The following SNX9 variants were observed in gnomAD, a reference collection of about 807,000 sequenced individuals.
SNX9 encodes sorting nexin 9, also known as sorting nexin-9.
In SNX9, 44 loss-of-function variants were observed where a neutral mutation model predicts 89.4. The observed-to-expected ratio is 0.49, with a 90% CI of 0.39 to 0.63. The LOEUF is 0.63. SNX9 is among the 30% of genes least tolerant of loss of function. The probability of loss-of-function intolerance (pLI) is 0.00; values close to 1 mark genes in which losing one functional copy is unlikely to be tolerated. For missense variants in SNX9, 578 were observed against 736.1 expected, an observed-to-expected ratio of 0.79 and a Z score of 2.49; for synonymous variants, 236 against 247.8, an observed-to-expected ratio of 0.95 and a Z score of 0.45.
At chr6:157,844,003 TA>T (rs1275142349) in intron 1 of SNX9, among the ~76,000 whole-genome samples, 4 of 150,928 alleles carry the variant, frequency 2.7e-5, no homozygotes, top group Non-Finnish European at 5.9e-5. Context: ...GCCTCCTGCA[TA>T]GCTGGGATTA....
intron 10 of SNX9, among the ~76,000 whole-genome samples, chr6:157,924,113 G>T (rs1326756941): frequency 6.6e-6 from 1 of 152,026 alleles, no homozygotes; most frequent in Non-Finnish European, 1.5e-5. Flanking sequence ...CAGGAGAATC[G>T]TTGGAACCCG....
Position 157,823,864 on chromosome 6 carries a change from C to T in SNX9, c.12+418C>T, listed in dbSNP as rs552504420. On this transcript the variant is annotated intron_variant, in intron 1 of 17. Transcript: ENST00000392185. The surrounding 1 kb of genome is among the most constrained non-coding windows in gnomAD (Gnocchi z 4.6). ...GCCCCCACGTCCCCTCCCGCTGCCG[C>T]CTGGGGGACCCTCGCCCCCGCGGGG... Among the ~76,000 whole-genome samples the T allele has an allele frequency of 1.5e-3, 235 of 152,068 alleles. 1 individual carries two copies. Among genetic ancestry groups the T allele is most frequent in the Non-Finnish European group, 2.7e-3 (186 of 67,958 alleles).
intron 13 of SNX9, among the ~76,000 whole-genome samples, chr6:157,934,457 A>C (rs1783881449): frequency 6.6e-6 from 1 of 152,230 alleles, no homozygotes; most frequent in African/African-American, 2.4e-5. Context: ...AAAATAAAAC[A>C]AATGATACAT....
At chr6:157,911,704 C>T (rs1416328712) in intron 9 of SNX9, among the ~76,000 whole-genome samples, 1 of 152,182 alleles carries the variant, frequency 6.6e-6, no homozygotes, top group Non-Finnish European at 1.5e-5. Context: ...ACTAATCTTT[C>T]CCTAGAATTA....
At chr6:157,886,458 T>A (rs1782737718) in intron 4 of SNX9, among the ~76,000 whole-genome samples, 1 of 152,222 alleles carries the variant, frequency 6.6e-6, no homozygotes, top group Admixed American at 6.5e-5. Context: ...AAAAGAAAAG[T>A]ATCCCATTTC....
At position 157,935,974 on chromosome 6, in the gene SNX9, T is replaced by C; in HGVS notation, c.1377T>C (p.Asp459=). ...FSSSGYQGET[D]LNDAITEAGK... The stretch of plus-strand genomic sequence containing the variant: ...ATTGATCATTTTCAGGTGAAACAGA[T>C]CTCAATGATGCAATAACAGAAGCAG... The change falls in exon 14 of 18, where the codon GAT becomes GAC. Residue 459 remains aspartate, a synonymous_variant. Coordinates refer to ENST00000392185, the MANE Select transcript of SNX9 (RefSeq NM_016224.5). The C allele has an allele frequency of 3.7e-6, 6 of 1,611,744 alleles. No homozygotes were observed. In the South Asian group the frequency reaches 5.5e-5, roughly 15 times the overall value.
chr6:157,932,341 C>T (rs1042323177), intron 13 of SNX9, 69 bp downstream of exon 13: 17 of 1,385,010 alleles, frequency 1.2e-5, no homozygotes, highest in South Asian at 9.4e-5. Flanking sequence ...GCTTAGGATC[C>T]TGCAGACGCT....
In SNX9 at chr6:157,826,830, TTA is replaced by T. The variant is rs1554290547; in HGVS notation, c.12+3394_12+3395del. The stretch of plus-strand genomic sequence containing the variant: ...TTTATATATAAATATATATTATATT[TTA>T]TATATATATTATATTTTATATATAA... On this transcript the variant is annotated intron_variant, in intron 1 of 17. Coordinates refer to ENST00000392185, the MANE Select transcript of SNX9 (RefSeq NM_016224.5). Among the ~76,000 whole-genome samples, 7 of 113,734 alleles carry T rather than the reference TTA, an allele frequency of 6.2e-5. 1 individual carries two copies. The highest frequency in any genetic ancestry group is 4.5e-4 in the East Asian group (2 of 4,466). 74.6% of individuals were successfully genotyped at this position (113,734 alleles called of 152,430 possible).
intron 16 of SNX9, 82 bp from the exon 17 acceptor site, chr6:157,940,801 A>G: frequency 8.2e-7 from 1 of 1,222,456 alleles, no homozygotes; most frequent in South Asian, 1.3e-5. Context: ...GTTGATGATT[A>G]ATTGTAACTG....
intron 1 of SNX9, among the ~76,000 whole-genome samples, chr6:157,846,000 A>C (rs1263567573): frequency 6.6e-6 from 1 of 152,240 alleles, no homozygotes; most frequent in Admixed American, 6.5e-5. Flanking sequence ...AAGAAGGATC[A>C]GCTGGAAGGC....
intron 2 of SNX9, chr6:157,872,819 C>T (rs966781621): frequency 2.4e-5 from 5 of 208,162 alleles, no homozygotes; most frequent in South Asian, 1.3e-4. Context: ...TATTATCTGC[C>T]GCAGACCAGT....
rs75545040 is a variant in SNX9, at chr6:157,914,189, G to A, written c.949+4164G>A. On this transcript the variant is annotated intron_variant, in intron 9 of 17. Transcript: ENST00000392185. Reference sequence around the variant, plus strand: ...AGTTTTTCCTCATTTTAACCAGTCCGATAGGTATGCAGTGGTATCTCAGCA... The same window carrying A: ...AGTTTTTCCTCATTTTAACCAGTCCAATAGGTATGCAGTGGTATCTCAGCA... Among the ~76,000 whole-genome samples the A allele has an allele frequency of 1.6e-3, 241 of 152,186 alleles. 1 individual carries two copies. Among genetic ancestry groups the A allele is most frequent in the East Asian group, 3.5e-3 (18 of 5,186 alleles).
intron 4 of SNX9, among the ~76,000 whole-genome samples, chr6:157,883,602 A>T (rs1400071938): frequency 6.6e-6 from 1 of 152,168 alleles, no homozygotes; most frequent in African/African-American, 2.4e-5. Flanking sequence ...CAGTGTGGCT[A>T]CCCATCATCA....
chr6:157,941,228 C>A (rs149223896), intron 17 of SNX9, among the ~76,000 whole-genome samples: 168 of 152,222 alleles, frequency 1.1e-3, no homozygotes, highest in African/African-American at 3.9e-3. Flanking sequence ...CAAGAAGTTC[C>A]TTATTGTGCA....
At chr6:157,839,870 T>A (rs910875758) in intron 1 of SNX9, among the ~76,000 whole-genome samples, 3 of 152,234 alleles carry the variant, frequency 2.0e-5, no homozygotes, top group Non-Finnish European at 2.9e-5. Flanking sequence ...TTGCTGGTTG[T>A]GCGCAGTATT....
intron 4 of SNX9, among the ~76,000 whole-genome samples, chr6:157,889,159 A>C (rs563785272): frequency 6.6e-6 from 1 of 152,280 alleles, no homozygotes; most frequent in South Asian, 2.1e-4. Flanking sequence ...CATCAGGCGC[A>C]GTGGCTCACG....
chr6:157,876,058 A>G (rs1479037813), intron 4 of SNX9, among the ~76,000 whole-genome samples: 1 of 151,710 alleles, frequency 6.6e-6, no homozygotes, highest in South Asian at 2.1e-4. Flanking sequence ...GCTTTAGGAG[A>G]TGTTATTTCT....
At chr6:157,934,063 C>T (rs1783871710) in intron 13 of SNX9, 1 of 152,298 alleles carries the variant, frequency 6.6e-6, no homozygotes, top group Non-Finnish European at 1.5e-5. Flanking sequence ...TCCACTTGCT[C>T]AGATGTGTTG....
intron 3 of SNX9, 172 bp from the exon 4 acceptor site, chr6:157,874,873 TAAATAA>T: frequency 3.6e-6 from 2 of 549,368 alleles, no homozygotes; most frequent in Non-Finnish European, 5.9e-6. Context: ...TAGTTTGAAC[TAAATAA>T]AAATGAAAAT....
Sources: gnomAD v4.1 joint callset for allele counts (sites outside exome capture counted in the v4.1 genomes callset) on GRCh38, gnomAD v4.1.1 for gene constraint, Gnocchi (gnomAD v3.1) non-coding constraint, MANE v1.5 for transcripts, NCBI Gene and HGNC (gene_info 2026-07-23, HGNC 2026-07-21) for gene names.